Variants in RABGGTB observed in about 807,000 individuals in gnomAD.
The protein encoded by RABGGTB is Rab geranylgeranyltransferase subunit beta.
RABGGTB carries 20 observed loss-of-function variants against 44.5 expected under a neutral mutation model. The ratio of observed to expected loss-of-function variants is 0.45; its 90% CI spans 0.32 to 0.65. RABGGTB has a LOEUF of 0.65. Ranked by LOEUF, RABGGTB falls within the 30% of genes least tolerant of loss-of-function variation. The pLI is 0.05. For synonymous variants in RABGGTB, 128 were observed against 136.7 expected, an observed-to-expected ratio of 0.94 and a Z score of 0.44; for missense variants, 302 against 398.7, an observed-to-expected ratio of 0.76 and a Z score of 2.06.
intron 7 of RABGGTB, among the ~76,000 whole-genome samples, chr1:75,792,802 T>A (rs2100489743): frequency 6.6e-6 from 1 of 152,304 alleles, no homozygotes; most frequent in South Asian, 2.1e-4. Context: ...ATGGCTGTGT[T>A]CCAATTACAA....
Position 75,794,228 on chromosome 1 carries a change from G to T in RABGGTB, c.850G>T (p.Asp284Tyr). The T allele has an allele frequency of 6.2e-7, 1 of 1,604,370 alleles. No homozygotes were observed. Among genetic ancestry groups the T allele is most frequent in the South Asian group, 1.1e-5 (1 of 90,232 alleles). The stretch of plus-strand genomic sequence containing the variant: ...GGGGGGATTTGCAGACAGGCCAGGA[G>T]ATATGGCAAGTAATATTTCTGACAT... Reference protein sequence around the residue: ...ETGGFADRPGDMVDPFHTLFG... With the variant: ...ETGGFADRPGYMVDPFHTLFG... The change falls in exon 8 of 9, where the codon GAT becomes TAT. Residue 284 changes from aspartate to tyrosine, a missense_variant. Transcript: ENST00000319942.
chr1:75,787,671 CAG>C, intron 2 of RABGGTB, 67 bp downstream of exon 2: 1 of 1,296,216 alleles, frequency 7.7e-7, no homozygotes, highest in Non-Finnish European at 1.1e-6. Flanking sequence ...AGCAGTGAGA[CAG>C]TATTTATGTC....
chr1:75,794,340 T>G lies in RABGGTB; in HGVS notation c.855+107T>G, dbSNP rs919684119. ...ATTCCGAGTGTTGCTTTGAAAGCAGTTTTTTTTTCTATTTATTGTAGAGTG... is the reference window on the plus strand; with the variant it reads ...ATTCCGAGTGTTGCTTTGAAAGCAGGTTTTTTTTCTATTTATTGTAGAGTG... On this transcript the variant is annotated intron_variant, in intron 8 of 8. Transcript: ENST00000319942. 186 of 1,366,666 alleles carry G rather than the reference T, an allele frequency of 1.4e-4. No individual in the cohort carries two copies. The East Asian group carries it at 3.9e-3, about 29-fold the overall frequency. 84.7% of individuals were successfully genotyped at this position (1,366,666 alleles called of 1,614,324 possible).
intron 4 of RABGGTB, chr1:75,790,284 A>AT (rs1355776539): frequency 2.4e-6 from 3 of 1,232,126 alleles, no homozygotes; most frequent in East Asian, 6.3e-5. Flanking sequence ...GGTAGGTGGA[A>AT]TTTTTTTCCC....
intron 6 of RABGGTB, 34 bp downstream of exon 6, chr1:75,791,605 AT>A: frequency 6.5e-7 from 1 of 1,531,224 alleles, no homozygotes; most frequent in Non-Finnish European, 8.9e-7. Flanking sequence ...ATGTATTGTC[AT>A]TTTGGAAGCC....
At chr1:75,791,032 C>A (rs1350720380) in intron 4 of RABGGTB, among the ~76,000 whole-genome samples, 1 of 152,158 alleles carries the variant, frequency 6.6e-6, no homozygotes, top group Non-Finnish European at 1.5e-5. Flanking sequence ...TCAAGTGATT[C>A]TCCCACCTCA....
chr1:75,794,669 T>C lies in RABGGTB; in HGVS notation c.*19T>C, dbSNP rs753423957. Reference sequence around the variant, plus strand: ...GAGCTAGATTCATTGAATTGAAAGTTGCATAGTATAGTTTTGCCATTTTAA... The same window carrying C: ...GAGCTAGATTCATTGAATTGAAAGTCGCATAGTATAGTTTTGCCATTTTAA... On this transcript the variant is annotated 3_prime_UTR_variant, in exon 9 of 9. Transcript: ENST00000319942. 2.5e-6 allele frequency: 4 copies of C among 1,570,784 alleles called. No homozygotes were observed. In the African/African-American group the frequency reaches 5.4e-5, roughly 21 times the overall value.
In RABGGTB at chr1:75,794,192, G is replaced by C; in HGVS notation, c.814G>C (p.Asp272His). Reference sequence around the variant, plus strand: ...GCGTAATTTCATTTTAGCATGTCAAGATGAAGAAACGGGGGGATTTGCAGA... The same window carrying C: ...GCGTAATTTCATTTTAGCATGTCAACATGAAGAAACGGGGGGATTTGCAGA... Reference protein sequence around the residue: ...KLRNFILACQDEETGGFADRP... With the variant: ...KLRNFILACQHEETGGFADRP... The change falls in exon 8 of 9, where the codon GAT (aspartate) becomes CAT (histidine). Residue 272 changes from aspartate (D) to histidine (H), a missense_variant. By Grantham distance (81) the Asp-to-His change is moderately conservative. This residue lies in a region of RABGGTB where 213 missense variants were observed against 323.7 expected (regional missense o/e 0.66). Transcript: ENST00000319942. 6.2e-7 allele frequency: 1 copy of C among 1,613,694 alleles called. No homozygotes were observed. Among genetic ancestry groups the C allele is most frequent in the Non-Finnish European group, 8.5e-7 (1 of 1,179,714 alleles).
intron 7 of RABGGTB, 27 bp downstream of exon 7, chr1:75,792,333 T>C: frequency 6.2e-7 from 1 of 1,609,592 alleles, no homozygotes; most frequent in South Asian, 1.1e-5. Context: ...CATATTCTGC[T>C]AGCTTTAGAA....
chr1:75,787,117 T>A (rs944687499), intron 1 of RABGGTB: 2 of 537,362 alleles, frequency 3.7e-6, no homozygotes, highest in African/African-American at 3.8e-5. Flanking sequence ...AGTTGATTAT[T>A]ACTACTTTAG....
chr1:75,793,538 C>T (rs1414823824), intron 7 of RABGGTB: 1 of 152,354 alleles, frequency 6.6e-6, no homozygotes, highest in African/African-American at 2.4e-5. Context: ...GCACCGGGAC[C>T]TGCACTTGCA....
chr1:75,789,626 T>G (rs1419581211), intron 3 of RABGGTB: 1 of 652,006 alleles, frequency 1.5e-6, no homozygotes, highest in African/African-American at 1.8e-5. Flanking sequence ...TTGATATTAG[T>G]GAACATCTAC....
At chr1:75,786,735 T>C in intron 1 of RABGGTB, 1 of 279,146 alleles carries the variant, frequency 3.6e-6, no homozygotes, top group South Asian at 3.4e-5. Flanking sequence ...AAGATATAGA[T>C]ACGAAAAGAA....
rs752106720 is a variant in RABGGTB at position 75,790,077 on chromosome 1, A to T, written c.415+20A>T. 1.2e-6 allele frequency: 2 copies of T among 1,610,102 alleles called. No homozygotes were observed. Among genetic ancestry groups the T allele is most frequent in the Admixed American group, 1.7e-5 (1 of 58,978 alleles). On this transcript the variant is annotated intron_variant, in intron 4 of 8. Coordinates refer to ENST00000319942, the MANE Select transcript of RABGGTB (RefSeq NM_004582.4). Reference sequence around the variant, plus strand: ...TTTGGGGTAATGTCAGATTTAGTCCATTCTACCCAAAATACCAATATTAAA... The same window carrying T: ...TTTGGGGTAATGTCAGATTTAGTCCTTTCTACCCAAAATACCAATATTAAA...
At chr1:75,791,437 A>T (rs1156585323) in intron 5 of RABGGTB, 24 bp from the exon 6 acceptor site, 1 of 1,590,786 alleles carries the variant, frequency 6.3e-7, no homozygotes. Context: ...GGAATTTAAC[A>T]GGCATCTTTT....
In RABGGTB at chr1:75,794,122, C is replaced by T. The variant is rs776017566; in HGVS notation, c.744C>T (p.Ser248=). 7.4e-6 allele frequency: 12 copies of T among 1,613,228 alleles called. No homozygotes were observed. In the East Asian group the frequency reaches 2.2e-4, roughly 30 times the overall value. Reference sequence around the variant, plus strand: ...GCTACTCATGGTGGGTCCTGGCTTCCCTAAAGATAATTGGAAGACTTCATT... The same window carrying T: ...GCTACTCATGGTGGGTCCTGGCTTCTCTAAAGATAATTGGAAGACTTCATT... ...DVCYSWWVLA[S]LKIIGRLHWI... Residue 248 remains serine, a synonymous_variant, in exon 8 of 9, where the codon TCC becomes TCT. Coordinates refer to ENST00000319942, the MANE Select transcript of RABGGTB (RefSeq NM_004582.4).
chr1:75,791,464 A>T lies in RABGGTB; in HGVS notation c.472A>T (p.Lys158Ter). 6.2e-7 allele frequency: 1 copy of T among 1,608,336 alleles called. No homozygotes were observed. The highest frequency in any genetic ancestry group is 8.5e-7 in the Non-Finnish European group (1 of 1,178,390). Residue 158 changes from lysine (K) to a stop codon, truncating the protein, a stop_gained, in exon 6 of 9, where the codon AAG becomes TAG. Coordinates refer to ENST00000319942, the MANE Select transcript of RABGGTB (RefSeq NM_004582.4). LOFTEE classifies it high-confidence loss of function. ...CAVATLALLG[K>*]LDAINVEKAI... ...GCATCTTTTTTTTTGTTTGTAGGGG[A>T]AGCTTGATGCTATTAATGTGGAAAA...
intron 3 of RABGGTB, 71 bp from the exon 4 acceptor site, chr1:75,789,881 A>T (rs1570929218): frequency 3.4e-6 from 4 of 1,165,116 alleles, no homozygotes; most frequent in Non-Finnish European, 5.0e-6. Flanking sequence ...GACAACTTAA[A>T]AAGAGTTGAG....
At chr1:75,787,741 C>A (rs1649535261) in intron 2 of RABGGTB, 137 bp downstream of exon 2, 12 of 723,998 alleles carry the variant, frequency 1.7e-5, no homozygotes, top group Non-Finnish European at 2.6e-5. Flanking sequence ...CTTTGAACTT[C>A]AGTTAAGTGT....
Sources: gnomAD v4.1 joint callset for allele counts (sites outside exome capture counted in the v4.1 genomes callset) on GRCh38, gnomAD v4.1.1 for gene constraint, gnomAD v4.1.1 regional missense constraint, MANE v1.5 for transcripts, NCBI Gene and HGNC (gene_info 2026-07-23, HGNC 2026-07-21) for gene names.